STK17B: variants seen among roughly 807,000 people sequenced by gnomAD.
The protein encoded by STK17B is serine/threonine-protein kinase 17B.
Under a neutral mutation model 42.0 loss-of-function variants are expected in STK17B, and 21 were observed. That is an observed-to-expected ratio of 0.50 (90% CI 0.35 to 0.72). The LOEUF (loss-of-function observed/expected upper bound fraction) is 0.72, where lower values mean the gene tolerates loss of function less well. STK17B is among the 30% of genes least tolerant of loss of function. STK17B has a pLI of 0.00. For synonymous variants in STK17B, 143 were observed against 148.4 expected (o/e 0.96, Z 0.26); for missense variants, 349 against 446.0 (o/e 0.78, Z 1.96).
chr2:196,149,417 G>A (rs919474408), intron 3 of STK17B, among the ~76,000 whole-genome samples: 9 of 152,098 alleles, frequency 5.9e-5, no homozygotes, highest in African/African-American at 2.2e-4. Context: ...GCCCGCCTCG[G>A]CCTCCCAAAG....
intron 2 of STK17B, among the ~76,000 whole-genome samples, chr2:196,160,046 A>T (rs1699791244): frequency 1.3e-5 from 2 of 152,250 alleles, no homozygotes; most frequent in Admixed American, 1.3e-4. Context: ...CTATAGTTTA[A>T]AAGTATAAAA....
At position 196,136,859 on chromosome 2, in the gene STK17B, C is replaced by G. The variant is rs1699412776; in HGVS notation, c.*588G>C. ...TCAGGTTTCTAACTCCCTCTTTGCTCTAGTTAAAGGATCTCTCTCATATAA... is the reference window on the plus strand; with the variant it reads ...TCAGGTTTCTAACTCCCTCTTTGCTGTAGTTAAAGGATCTCTCTCATATAA... On this transcript the variant is annotated 3_prime_UTR_variant, in exon 8 of 8. Coordinates refer to ENST00000263955, the MANE Select transcript of STK17B (RefSeq NM_004226.4). 1 of 152,188 alleles carries G rather than the reference C, an allele frequency of 6.6e-6. No homozygotes were observed. Among genetic ancestry groups the G allele is most frequent in the South Asian group, 2.1e-4 (1 of 4,822 alleles). 9.4% of individuals were successfully genotyped at this position (152,188 alleles called of 1,614,324 possible).
intron 3 of STK17B, chr2:196,155,968 G>C (rs1329448277): frequency 6.5e-6 from 1 of 154,952 alleles, no homozygotes; most frequent in East Asian, 1.9e-4. Flanking sequence ...ATTAAGCAAA[G>C]TTTTATGCAG....
chr2:196,135,884 T>C lies in STK17B; in HGVS notation c.*1563A>G, dbSNP rs537130854. 2.2e-5 allele frequency: 1 copy of C among 45,570 alleles called. No individual in the cohort carries two copies. Among genetic ancestry groups the C allele is most frequent in the East Asian group, 1.1e-3 (1 of 940 alleles). The allele number at this position is 45,570 out of a possible 1,614,324, so 2.8% of individuals were successfully genotyped here. A position where few individuals can be genotyped will look rare whatever the true frequency, so the allele number is the denominator to read the frequency against. ...CTAAAGAATGTATTGTATCTATCTATAGATATATACATACACCTGTACATA... is the reference window on the plus strand; with the variant it reads ...CTAAAGAATGTATTGTATCTATCTACAGATATATACATACACCTGTACATA... On this transcript the variant is annotated 3_prime_UTR_variant, in exon 8 of 8. Coordinates refer to ENST00000263955, the MANE Select transcript of STK17B (RefSeq NM_004226.4).
rs1699408859 is a variant in STK17B at position 196,136,566 on chromosome 2, T to C, written c.*881A>G. 6.6e-6 allele frequency: 1 copy of C among 152,278 alleles called. No homozygotes were observed. The highest frequency in any genetic ancestry group is 1.5e-5 in the Non-Finnish European group (1 of 68,046). The allele number at this position is 152,278 out of a possible 1,614,324, so 9.4% of individuals were successfully genotyped here. ...GATGCAGAAGACATCTAAAATTCAG[T>C]AAGCTGTCTGAGTGTGTCAACATTT... is the stretch of plus-strand genomic sequence containing the variant. On this transcript the variant is annotated 3_prime_UTR_variant, in exon 8 of 8. Transcript: ENST00000263955.
chr2:196,152,723 T>C (rs187923990), intron 3 of STK17B, among the ~76,000 whole-genome samples: 120 of 152,210 alleles, frequency 7.9e-4, no homozygotes, highest in Admixed American at 2.9e-3. Flanking sequence ...TGCAAAGGAG[T>C]ATATATACTA....
At chr2:196,161,795 C>T (rs1459573524) in intron 2 of STK17B, among the ~76,000 whole-genome samples, 2 of 151,906 alleles carry the variant, frequency 1.3e-5, no homozygotes, top group Non-Finnish European at 2.9e-5. Context: ...GGATTACAGG[C>T]GTGAGTCACC....
chr2:196,173,011 T>C (rs1178333653), upstream of STK17B, among the ~76,000 whole-genome samples: 1 of 152,164 alleles, frequency 6.6e-6, no homozygotes, highest in African/African-American at 2.4e-5. Context: ...GTTGTGTGTT[T>C]AACTTTGGAC....
chr2:196,170,164 T>C (rs1264397399), intron 1 of STK17B, among the ~76,000 whole-genome samples: 2 of 151,178 alleles, frequency 1.3e-5, no homozygotes, highest in Non-Finnish European at 2.9e-5. Flanking sequence ...AAAAACAGTG[T>C]TATCAATGAG....
In STK17B at chr2:196,145,981, C is replaced by T. The variant is rs1218516775; in HGVS notation, c.410G>A (p.Arg137Lys). 6.2e-7 allele frequency: 1 copy of T among 1,608,194 alleles called. No homozygotes were observed. Residue 137 changes from arginine to lysine, a missense_variant, in exon 4 of 8, where the codon AGA becomes AAA. This residue lies in a region of STK17B where 256 missense variants were observed against 347.7 expected (regional missense o/e 0.74). Coordinates refer to ENST00000263955, the MANE Select transcript of STK17B (RefSeq NM_004226.4). ...TCCTTCAAGTATTTGTTTAATGAGTCTGATAACATCATTTTCAGAAACCAT... is the reference window on the plus strand; with the variant it reads ...TCCTTCAAGTATTTGTTTAATGAGTTTGATAACATCATTTTCAGAAACCAT... ...AEMVSENDVI[R>K]LIKQILEGVY...
rs376276095 is a variant in STK17B, at chr2:196,156,455, T to C, written c.319A>G (p.Ile107Val). 1.2e-6 allele frequency: 2 copies of C among 1,613,390 alleles called. No individual in the cohort carries two copies. Among genetic ancestry groups the C allele is most frequent in the East Asian group, 4.5e-5 (2 of 44,848 alleles). Residue 107 changes from isoleucine (I) to valine (V), a missense_variant, in exon 3 of 8, where the codon ATT becomes GTT. Physicochemically the swap from Ile to Val is conservative, Grantham distance 29 (BLOSUM62 3). This residue lies in a region of STK17B where 256 missense variants were observed against 347.7 expected (regional missense o/e 0.74). Transcript: ENST00000263955. ...TATACTTACTATTCCAATATCAAAA[T>C]GATTTCACTTGTATTTTCATAGACC... ...HEVYENTSEI[I>V]LILEYAAGGE... is the part of the protein sequence containing the mutation.
intron 6 of STK17B, 67 bp from the exon 7 acceptor site, chr2:196,139,866 G>T (rs1310580981): frequency 2.5e-6 from 3 of 1,181,618 alleles, no homozygotes; most frequent in Non-Finnish European, 3.3e-6. Flanking sequence ...AAGTACAATC[G>T]ACATTCAACA....
At chr2:196,153,440 T>C (rs772639497) in intron 3 of STK17B, 2 of 152,186 alleles carry the variant, frequency 1.3e-5, no homozygotes, top group Admixed American at 6.5e-5. Flanking sequence ...AAGAACCTTG[T>C]AGTGGTGGAC....
chr2:196,165,486 A>G (rs1349342784), intron 1 of STK17B: 2 of 152,246 alleles, frequency 1.3e-5, no homozygotes, highest in East Asian at 3.8e-4. Flanking sequence ...TAAATTAAAA[A>G]TAAAACATAT....
chr2:196,168,803 A>G (rs918698092), intron 1 of STK17B, among the ~76,000 whole-genome samples: 5 of 152,216 alleles, frequency 3.3e-5, no homozygotes, highest in African/African-American at 1.2e-4. Context: ...ACATTTCTTA[A>G]CTGAAATATT....
chr2:196,169,056 C>T (rs1173904350), intron 1 of STK17B, among the ~76,000 whole-genome samples: 1 of 146,816 alleles, frequency 6.8e-6, no homozygotes, highest in Non-Finnish European at 1.5e-5. Context: ...AAGTAGTAAG[C>T]CTAGGAATAC....
At position 196,163,395 on chromosome 2, in the gene STK17B, C is replaced by A. The variant is rs1408280614; in HGVS notation, c.-12G>T. On this transcript the variant is annotated 5_prime_UTR_variant, in exon 2 of 8. Coordinates refer to ENST00000263955, the MANE Select transcript of STK17B (RefSeq NM_004226.4). ...CTCCTCCTCGACATGTTAGGTGATT[C>A]CCAGGTCTGCTTCTTTAGTCACTTA... The A allele has an allele frequency of 6.4e-7, 1 of 1,571,944 alleles. No homozygotes were observed. The highest frequency in any genetic ancestry group is 8.6e-7 in the Non-Finnish European group (1 of 1,166,368).
intron 1 of STK17B, among the ~76,000 whole-genome samples, chr2:196,164,081 T>C (rs16846109): frequency 0.048 from 7,214 of 149,928 alleles, 401 homozygotes; most frequent in African/African-American, 0.13. Context: ...AATAAAGTTA[T>C]AGGTTTCACA....
At chr2:196,168,028 C>T (rs1699892534) in intron 1 of STK17B, among the ~76,000 whole-genome samples, 1 of 152,156 alleles carries the variant, frequency 6.6e-6, no homozygotes, top group African/African-American at 2.4e-5. Flanking sequence ...GTATTGGTAT[C>T]AAGATGGAAA....
Sources: gnomAD v4.1 joint callset for allele counts (sites outside exome capture counted in the v4.1 genomes callset) on GRCh38, gnomAD v4.1.1 for gene constraint, gnomAD v4.1.1 regional missense constraint, MANE v1.5 for transcripts, NCBI Gene and HGNC (gene_info 2026-07-23, HGNC 2026-07-21) for gene names.